The following PDE8B variants were observed in gnomAD, a reference collection of about 807,000 sequenced individuals.
The protein encoded by PDE8B is high affinity cAMP-specific and IBMX-insensitive 3',5'-cyclic phosphodiesterase 8B.
PDE8B carries 26 observed loss-of-function variants against 101.3 expected under a neutral mutation model. That is an observed-to-expected ratio of 0.26 (90% CI 0.19 to 0.36). The LOEUF (loss-of-function observed/expected upper bound fraction) is 0.36, where lower values mean the gene tolerates loss of function less well. PDE8B is among the 10% of genes least tolerant of loss of function. The pLI, the probability that PDE8B is intolerant of heterozygous loss-of-function variation, is 1.00. For synonymous variants in PDE8B, 424 were observed against 429.3 expected (o/e 0.99, Z 0.15); for missense variants, 810 against 1,163.1 (o/e 0.70, Z 4.42).
At chr5:77,276,595 T>C (rs1387274787) in intron 1 of PDE8B, among the ~76,000 whole-genome samples, 2 of 152,230 alleles carry the variant, frequency 1.3e-5, no homozygotes, top group Non-Finnish European at 2.9e-5. Flanking sequence ...CATTTATCTG[T>C]TCAGCATCAG....
chr5:77,414,189 G>C (rs1012061037), intron 17 of PDE8B, among the ~76,000 whole-genome samples: 1 of 152,164 alleles, frequency 6.6e-6, no homozygotes, highest in South Asian at 2.1e-4. Context: ...CAGGAAAACA[G>C]TAAGGGGGTA....
the PDE8B span, among the ~76,000 whole-genome samples, chr5:77,171,831 G>A: frequency 2.6e-5 from 4 of 152,146 alleles, no homozygotes; most frequent in Admixed American, 6.5e-5. Flanking sequence ...CCCTGTGCTC[G>A]TGCCTTTCAT....
At chr5:77,400,477 A>G (rs1792035441) in intron 11 of PDE8B, among the ~76,000 whole-genome samples, 187 bp downstream of exon 11, 1 of 152,174 alleles carries the variant, frequency 6.6e-6, no homozygotes, top group South Asian at 2.1e-4. Context: ...ATGTCCTTGA[A>G]TCTTCCTTTA....
chr5:77,399,660 A>AT (rs1458830526), intron 10 of PDE8B, among the ~76,000 whole-genome samples: 4 of 152,258 alleles, frequency 2.6e-5, no homozygotes, highest in Non-Finnish European at 5.9e-5. Context: ...TTTGACAGAC[A>AT]TTTATTGAGC....
chr5:77,094,514 C>T, the PDE8B span, among the ~76,000 whole-genome samples: 2 of 152,130 alleles, frequency 1.3e-5, no homozygotes, highest in Non-Finnish European at 2.9e-5. Context: ...CCATGTTGCC[C>T]AGGCTGGTCT....
At chr5:77,260,914 T>C (rs1248533313) in intron 1 of PDE8B, among the ~76,000 whole-genome samples, 1 of 152,086 alleles carries the variant, frequency 6.6e-6, no homozygotes, top group Non-Finnish European at 1.5e-5. Flanking sequence ...TGGGCCATTT[T>C]CCCCAAGTAC....
chr5:77,393,682 A>C (rs1029246827), intron 10 of PDE8B, among the ~76,000 whole-genome samples: 1 of 152,222 alleles, frequency 6.6e-6, no homozygotes, highest in African/African-American at 2.4e-5. Flanking sequence ...GAACTTTATA[A>C]GGAATTTTGG....
At chr5:77,323,292 G>A (rs1482538722) in intron 2 of PDE8B, among the ~76,000 whole-genome samples, 3 of 152,174 alleles carry the variant, frequency 2.0e-5, no homozygotes, top group Admixed American at 1.3e-4. Flanking sequence ...AAGGAACTCT[G>A]TGGCTGGAAA....
At chr5:77,396,249 G>A (rs766301408) in intron 10 of PDE8B, among the ~76,000 whole-genome samples, 2 of 152,110 alleles carry the variant, frequency 1.3e-5, no homozygotes, top group Non-Finnish European at 2.9e-5. Context: ...TACCTTCTTG[G>A]CAACCACAGG....
chr5:77,324,761 C>G (rs1035164300), intron 2 of PDE8B, among the ~76,000 whole-genome samples: 11 of 152,088 alleles, frequency 7.2e-5, no homozygotes, highest in African/African-American at 1.9e-4. Context: ...AAAGAGGTGG[C>G]CTCCAGGGAC....
chr5:77,407,097 A>C (rs1177348588), intron 12 of PDE8B, among the ~76,000 whole-genome samples: 1 of 152,144 alleles, frequency 6.6e-6, no homozygotes, highest in Admixed American at 6.5e-5. Flanking sequence ...TGTTGGAATG[A>C]GGCCTTTTTG....
At chr5:77,201,926 C>T in the PDE8B span, among the ~76,000 whole-genome samples, 2 of 152,142 alleles carry the variant, frequency 1.3e-5, no homozygotes, top group African/African-American at 4.8e-5. Context: ...TCTGGTGAGG[C>T]CTCCCTCCTC....
chr5:77,297,196 G>A (rs1422775958), intron 1 of PDE8B, among the ~76,000 whole-genome samples: 1 of 152,158 alleles, frequency 6.6e-6, no homozygotes, highest in African/African-American at 2.4e-5. Flanking sequence ...CAAGATAACA[G>A]CATTAATCCA....
the PDE8B span, among the ~76,000 whole-genome samples, chr5:77,200,319 T>A: frequency 1.3e-5 from 2 of 152,172 alleles, no homozygotes; most frequent in African/African-American, 4.8e-5. Context: ...ACCTTTTGGA[T>A]AGGATCACGA....
intron 1 of PDE8B, among the ~76,000 whole-genome samples, chr5:77,285,941 C>T (rs141044195): frequency 1.0e-3 from 152 of 152,122 alleles, no homozygotes; most frequent in Non-Finnish European, 1.8e-3. Flanking sequence ...TTTGTTCTTA[C>T]GTTTTCTATT....
At chr5:77,410,836 A>T (rs723374) in intron 14 of PDE8B, 28,466 of 111,664 alleles carry the variant, frequency 0.25, 2,803 homozygotes, top group African/African-American at 0.32. Context: ...CTTTTTTTTT[A>T]AATTTAATTT....
intron 1 of PDE8B, among the ~76,000 whole-genome samples, chr5:77,260,193 A>T (rs917217261): frequency 6.1e-4 from 92 of 151,846 alleles, no homozygotes; most frequent in Admixed American, 2.0e-3. Flanking sequence ...GAAAAAAAAA[A>T]GAAAGAAAGC....
intron 1 of PDE8B, among the ~76,000 whole-genome samples, chr5:77,262,283 G>A (rs183572402): frequency 1.8e-3 from 267 of 152,158 alleles, no homozygotes; most frequent in African/African-American, 6.1e-3. Context: ...AGAGAGAAGA[G>A]CCTCTTTATG....
intron 4 of PDE8B, among the ~76,000 whole-genome samples, chr5:77,330,267 T>C (rs1776868079): frequency 6.6e-6 from 1 of 152,216 alleles, no homozygotes; most frequent in African/African-American, 2.4e-5. Context: ...GCCTGGCTAT[T>C]ACACGGGTCC....
Sources: allele counts gnomAD v4.1 joint callset (sites outside exome capture counted in the v4.1 genomes callset), GRCh38; gene constraint gnomAD v4.1.1; transcripts MANE v1.5; gene names NCBI Gene and HGNC (gene_info 2026-07-23, HGNC 2026-07-21).